Variants in VWA8 observed in about 807,000 individuals in gnomAD.
The protein encoded by VWA8 is von Willebrand factor A domain-containing protein 8.
Under a neutral mutation model 241.5 loss-of-function variants are expected in VWA8, and 221 were observed. The observed-to-expected ratio is 0.91, with a 90% CI of 0.82 to 1.02. The LOEUF (loss-of-function observed/expected upper bound fraction) is 1.02, where lower values mean the gene tolerates loss of function less well. Ranked by LOEUF, VWA8 falls within the 50% of genes least tolerant of loss-of-function variation. The pLI is 0.00. For missense variants in VWA8, 2,322 were observed against 2,328.7 expected, an observed-to-expected ratio of 1.00 and a Z score of 0.06; for synonymous variants, 852 against 827.1, an observed-to-expected ratio of 1.03 and a Z score of -0.52.
At chr13:41,730,992 C>A (rs1332040002) in intron 22 of VWA8, among the ~76,000 whole-genome samples, 3 of 148,508 alleles carry the variant, frequency 2.0e-5, no homozygotes, top group East Asian at 3.9e-4. Context: ...TGCACATATA[C>A]CCTAAAACTT....
In VWA8 at chr13:41,701,399, T is replaced by C. The variant is rs778939401; in HGVS notation, c.3357A>G (p.Thr1119=). The change falls in exon 28 of 45, where the codon ACA becomes ACG. Residue 1119 remains threonine, a synonymous_variant. Coordinates refer to ENST00000379310, the MANE Select transcript of VWA8 (RefSeq NM_015058.2). The stretch of plus-strand genomic sequence containing the variant: ...AAGAATAAGCAGACATACCATGTGA[T>C]GTAGCAATGTCACAGATTATATTAA... ...DEINIICDIA[T]SHENEQNTLY... is the part of the protein sequence containing the mutation. 1 of 1,600,800 alleles carries C rather than the reference T, an allele frequency of 6.2e-7. No individual in the cohort carries two copies. Among genetic ancestry groups the C allele is most frequent in the South Asian group, 1.1e-5 (1 of 87,686 alleles).
intron 12 of VWA8, among the ~76,000 whole-genome samples, chr13:41,860,208 CTTTTCTCTAAAAA>C (rs1450865477): frequency 6.6e-6 from 1 of 152,100 alleles, no homozygotes; most frequent in East Asian, 1.9e-4. Flanking sequence ...CTAGGAAACT[CTTTTCTCTAAAAA>C]TTTTCTCTAA....
chr13:41,937,771 G>A (rs1362523641), intron 2 of VWA8, among the ~76,000 whole-genome samples: 2 of 152,158 alleles, frequency 1.3e-5, no homozygotes, highest in South Asian at 2.1e-4. Flanking sequence ...TGTATATACA[G>A]TTTTTGTCAA....
intron 37 of VWA8, among the ~76,000 whole-genome samples, chr13:41,619,851 A>C (rs35984869): frequency 0.02 from 2,991 of 152,138 alleles, 26 homozygotes; most frequent in South Asian, 0.048. Context: ...GCTTTTTGAC[A>C]TGCTGCTGGA....
At chr13:41,580,533 T>C (rs1054071506) in intron 42 of VWA8, among the ~76,000 whole-genome samples, 4 of 152,190 alleles carry the variant, frequency 2.6e-5, no homozygotes, top group Non-Finnish European at 5.9e-5. Context: ...TCAGCCTTTC[T>C]GATCAAGGTA....
At chr13:41,711,237 A>G (rs1305831110) in intron 26 of VWA8, among the ~76,000 whole-genome samples, 1 of 152,244 alleles carries the variant, frequency 6.6e-6, no homozygotes, top group Non-Finnish European at 1.5e-5. Context: ...AATTAGGGAC[A>G]GTAGATGACA....
At chr13:41,842,324 T>G (rs187221395) in intron 12 of VWA8, among the ~76,000 whole-genome samples, 1 of 152,298 alleles carries the variant, frequency 6.6e-6, no homozygotes, top group East Asian at 1.9e-4. Flanking sequence ...TATTGTAAAA[T>G]TATTTGTAAA....
intron 2 of VWA8, among the ~76,000 whole-genome samples, chr13:41,923,391 A>G (rs1876659660): frequency 6.6e-6 from 1 of 152,142 alleles, no homozygotes; most frequent in Admixed American, 6.5e-5. Context: ...ATATGTAACT[A>G]ACCTGCACGT....
chr13:41,747,577 G>A (rs1236691011), intron 21 of VWA8, among the ~76,000 whole-genome samples: 1 of 152,116 alleles, frequency 6.6e-6, no homozygotes, highest in East Asian at 1.9e-4. Context: ...TTTCCTAATC[G>A]AATACCCTTT....
At chr13:41,746,610 C>T (rs974191076) in intron 21 of VWA8, among the ~76,000 whole-genome samples, 4 of 152,046 alleles carry the variant, frequency 2.6e-5, no homozygotes, top group Non-Finnish European at 4.4e-5. Context: ...GTCCAGGTGA[C>T]GGAACAGAAA....
Position 41,701,530 on chromosome 13 carries a change from C to T in VWA8, c.3226G>A (p.Gly1076Ser), listed in dbSNP as rs1184420228. The T allele has an allele frequency of 1.3e-6, 2 of 1,548,520 alleles. No homozygotes were observed. The highest frequency in any genetic ancestry group is 1.4e-5 in the African/African-American group (1 of 71,338). Residue 1076 changes from glycine (G) to serine (S), a missense_variant and splice_region_variant, in exon 28 of 45, where the codon GGT becomes AGT. Transcript: ENST00000379310. ...TCCTGTATATTTATAAGTGCTGGACCCTATAATAAAGCAGTTATCTCAGTT... is the reference window on the plus strand; with the variant it reads ...TCCTGTATATTTATAAGTGCTGGACTCTATAATAAAGCAGTTATCTCAGTT... ...PVETHHIDIK[G>S]PALINIQEYP...
In VWA8 at chr13:41,699,190, A is replaced by C. The variant is rs776374124; in HGVS notation, c.3445T>G (p.Phe1149Val). 6.2e-7 allele frequency: 1 copy of C among 1,614,198 alleles called. No individual in the cohort carries two copies. Among genetic ancestry groups the C allele is most frequent in the African/African-American group, 1.3e-5 (1 of 75,068 alleles). ...YFMNMTGKSG[F>V]FVDFFDIFPR... ...AAGATATCAAAAAAGTCCACAAAGA[A>C]GCCACTTTTCCCAGTCATATTCATA... Residue 1149 changes from phenylalanine (F) to valine (V), a missense_variant, in exon 29 of 45, where the codon TTC (phenylalanine) becomes GTC (valine). Physicochemically the swap from Phe to Val is conservative, Grantham distance 50. Transcript: ENST00000379310.
rs1457886223 is a variant in VWA8 at position 41,575,820 on chromosome 13, A to C, written c.5290T>G (p.Ser1764Ala). The C allele has an allele frequency of 2.5e-6, 4 of 1,612,618 alleles. No homozygotes were observed. The East Asian group carries it at 8.9e-5, about 36-fold the overall frequency. The change falls in exon 43 of 45, where the codon TCT becomes GCT. Residue 1764 changes from serine to alanine, a missense_variant. Transcript: ENST00000379310. The part of the protein sequence containing the change: ...EKFQYDIVGH[S>A]GDGYNIGLVP... ...AGACCAATGTTGTAGCCATCTCCAGAGTGTCCAACGATGTCATACTACATG... is the reference window on the plus strand; with the variant it reads ...AGACCAATGTTGTAGCCATCTCCAGCGTGTCCAACGATGTCATACTACATG...
chr13:41,624,017 A>C (rs1329736226), intron 37 of VWA8, among the ~76,000 whole-genome samples: 1 of 152,186 alleles, frequency 6.6e-6, no homozygotes, highest in Non-Finnish European at 1.5e-5. Flanking sequence ...AAATACAAAA[A>C]AACCCCTCAG....
intron 39 of VWA8, among the ~76,000 whole-genome samples, chr13:41,609,737 T>G (rs975528347): frequency 6.6e-6 from 1 of 151,996 alleles, no homozygotes; most frequent in Non-Finnish European, 1.5e-5. Context: ...TTCTATTTCT[T>G]TCTCTCCTTT....
At chr13:41,662,561 C>G (rs973413696) in intron 37 of VWA8, among the ~76,000 whole-genome samples, 34 of 145,806 alleles carry the variant, frequency 2.3e-4, no homozygotes, top group Admixed American at 1.9e-3. Context: ...TTAATAGATT[C>G]TGTGGGATTT....
chr13:41,817,467 C>T (rs1469115359), intron 15 of VWA8, among the ~76,000 whole-genome samples: 1 of 152,132 alleles, frequency 6.6e-6, no homozygotes, highest in South Asian at 2.1e-4. Flanking sequence ...AAAAAAGATA[C>T]TAAAACAATG....
intron 17 of VWA8, among the ~76,000 whole-genome samples, chr13:41,807,157 G>A (rs1430731205): frequency 2.0e-5 from 3 of 151,994 alleles, no homozygotes; most frequent in Non-Finnish European, 2.9e-5. Flanking sequence ...TAGAAAATGT[G>A]AACAAACCAA....
intron 1 of VWA8, among the ~76,000 whole-genome samples, chr13:41,959,810 G>A (rs1328243640): frequency 6.6e-6 from 1 of 151,524 alleles, no homozygotes; most frequent in African/African-American, 2.4e-5. Flanking sequence ...GGGTTTCACC[G>A]TGTTAGCCAG....
Sources: gnomAD v4.1 joint callset for allele counts (sites outside exome capture counted in the v4.1 genomes callset) on GRCh38, gnomAD v4.1.1 for gene constraint, MANE v1.5 for transcripts, NCBI Gene and HGNC (gene_info 2026-07-23, HGNC 2026-07-21) for gene names.